PRR12: variants seen among roughly 807,000 people sequenced by gnomAD.
PRR12 encodes proline-rich protein 12.
In PRR12, 12 loss-of-function variants were observed where a neutral mutation model predicts 138.0. The observed-to-expected ratio is 0.09, with a 90% CI of 0.06 to 0.14. The LOEUF (loss-of-function observed/expected upper bound fraction) is 0.14. Among genes scored for constraint, PRR12 ranks in the 10% least tolerant of loss-of-function variants. The pLI is 1.00. For missense variants in PRR12, 2,692 were observed against 2,861.3 expected, an observed-to-expected ratio of 0.94 and a Z score of 1.35; for synonymous variants, 1,567 against 1,291.7, an observed-to-expected ratio of 1.21 and a Z score of -4.57.
At position 49,596,468 on chromosome 19, in the gene PRR12, T is replaced by G. The variant is rs2080769823; in HGVS notation, c.2133T>G (p.Asp711Glu). 1 of 1,611,030 alleles carries G rather than the reference T, an allele frequency of 6.2e-7. No homozygotes were observed. Among genetic ancestry groups the G allele is most frequent in the Non-Finnish European group, 8.5e-7 (1 of 1,179,388 alleles). The change falls in exon 4 of 14, where the codon GAT becomes GAG. Residue 711 changes from aspartate (D) to glutamate (E), a missense_variant. By Grantham distance (45) the Asp-to-Glu change is conservative. This residue lies in a region of PRR12 where 840 missense variants were observed against 689.8 expected (regional missense o/e 1.22). Coordinates refer to ENST00000418929, the MANE Select transcript of PRR12 (RefSeq NM_020719.3). This position sits in a 1 kb window ranked among gnomAD's most constrained non-coding sequence, Gnocchi z 5.6. ...TCATCCGCACCAGTGCCAGCCTGGA[T>G]GAGGGTGCCACTGCGGCACTGGAGC... is the stretch of plus-strand genomic sequence containing the variant. ...QSVIRTSASL[D>E]EGATAALELG...
chr19:49,614,494 G>C lies in PRR12; in HGVS notation c.4774-39G>C. On this transcript the variant is annotated intron_variant, in intron 6 of 13. Transcript: ENST00000418929. This position sits in a 1 kb window ranked among gnomAD's most constrained non-coding sequence, Gnocchi z 5.0. ...TAGGGGCAGTAGGTCTAGGAATGAGGGCTGACCCTGCTGGCCTCACCACAC... is the reference window on the plus strand; with the variant it reads ...TAGGGGCAGTAGGTCTAGGAATGAGCGCTGACCCTGCTGGCCTCACCACAC... 4.1e-6 allele frequency: 6 copies of C among 1,451,056 alleles called. No individual in the cohort carries two copies. Among genetic ancestry groups the C allele is most frequent in the Non-Finnish European group, 5.6e-6 (6 of 1,080,294 alleles). 89.9% of individuals were successfully genotyped at this position (1,451,056 alleles called of 1,614,324 possible).
At chr19:49,601,306 C>G (rs1439439458) in intron 5 of PRR12, among the ~76,000 whole-genome samples, 185 bp from the exon 6 acceptor site, 1 of 145,254 alleles carries the variant, frequency 6.9e-6, no homozygotes, top group Non-Finnish European at 1.5e-5. Context: ...GGAGACAGGT[C>G]TCCTTTGCAG....
rs201085398 is a variant in PRR12, at chr19:49,601,568, C to A, written c.4423C>A (p.Pro1475Thr). ...TCCTCAGCCTCAGCCTCCGCCACCC[C>A]CTCCGCCGCCACAGCCAGCCCTGCC... ...PTPQPQPPPP[P>T]PPPQPALPSP... Residue 1475 changes from proline (P) to threonine (T), a missense_variant, in exon 6 of 14, where the codon CCT (proline) becomes ACT (threonine). Around this residue, in one of 11 missense-constraint regions of PRR12, gnomAD observed 231 missense variants for 200.8 expected, o/e 1.15. Coordinates refer to ENST00000418929, the MANE Select transcript of PRR12 (RefSeq NM_020719.3). 7.3e-3 allele frequency: 11,230 copies of A among 1,541,600 alleles called. 64 individuals carry two copies. Among genetic ancestry groups the A allele is most frequent in the Non-Finnish European group, 8.8e-3 (10,031 of 1,140,568 alleles).
intron 11 of PRR12, among the ~76,000 whole-genome samples, chr19:49,622,565 C>G (rs1342842913): frequency 1.4e-5 from 2 of 147,418 alleles, no homozygotes; most frequent in Admixed American, 6.9e-5. Context: ...GCACTCCAGC[C>G]TGGGCGACAG....
intron 11 of PRR12, among the ~76,000 whole-genome samples, chr19:49,622,928 TAGAGAGAGAGAGAG>T (rs1312571676): frequency 3.9e-5 from 3 of 77,768 alleles, no homozygotes; most frequent in Admixed American, 1.3e-4. Flanking sequence ...TATATATATA[TAGAGAGAGAGAGAG>T]AGAGAGAGAG....
At position 49,594,525 on chromosome 19, in the gene PRR12, C is replaced by T; in HGVS notation, c.271C>T (p.Leu91Phe). 6.2e-7 allele frequency: 1 copy of T among 1,613,078 alleles called. No individual in the cohort carries two copies. The highest frequency in any genetic ancestry group is 8.5e-7 in the Non-Finnish European group (1 of 1,179,410). ...SAGPDASVMN[L>F]ISALESRGPQ... ...AGGGCCCGACGCCTCCGTCATGAAC[C>T]TTATCTCGGCCCTGGAATCCCGGGG... Residue 91 changes from leucine (L) to phenylalanine (F), a missense_variant, in exon 3 of 14, where the codon CTT (leucine) becomes TTT (phenylalanine). Physicochemically the swap from Leu to Phe is conservative, Grantham distance 22. Around this residue, in one of 11 missense-constraint regions of PRR12, gnomAD observed 211 missense variants for 266.3 expected, o/e 0.79. Coordinates refer to ENST00000418929, the MANE Select transcript of PRR12 (RefSeq NM_020719.3). This position sits in a 1 kb window ranked among gnomAD's most constrained non-coding sequence, Gnocchi z 5.6.
chr19:49,593,225 G>A (rs1265707930), intron 1 of PRR12, 102 bp from the exon 2 acceptor site: 3 of 408,138 alleles, frequency 7.4e-6, no homozygotes, highest in African/African-American at 2.6e-5. Flanking sequence ...CCCCCACCCC[G>A]GTCAGCTGGA....
intron 6 of PRR12, among the ~76,000 whole-genome samples, chr19:49,605,266 T>C (rs1048308143): frequency 6.6e-6 from 1 of 152,124 alleles, no homozygotes; most frequent in African/African-American, 2.4e-5. Flanking sequence ...CCGTATTCTT[T>C]TTTTTGTTTG....
At chr19:49,618,276 C>G (rs2080903171) in intron 9 of PRR12, among the ~76,000 whole-genome samples, 1 of 152,080 alleles carries the variant, frequency 6.6e-6, no homozygotes. Context: ...CCCAACACCC[C>G]CAAATCCCAT....
intron 4 of PRR12, among the ~76,000 whole-genome samples, chr19:49,598,697 C>T (rs569207742): frequency 1.3e-5 from 2 of 152,196 alleles, no homozygotes; most frequent in South Asian, 2.1e-4. Flanking sequence ...CTGCGTGTAC[C>T]TACAGTCCCA....
At position 49,625,710 on chromosome 19, in the gene PRR12, G is replaced by C; in HGVS notation, c.*103G>C. On this transcript the variant is annotated 3_prime_UTR_variant, in exon 14 of 14. Coordinates refer to ENST00000418929, the MANE Select transcript of PRR12 (RefSeq NM_020719.3). The surrounding 1 kb of genome is among the most constrained non-coding windows in gnomAD (Gnocchi z 5.5). Reference sequence around the variant, plus strand: ...ACCTGGGCTCCATCGCCGGGGAAAGGGGGTCATGGGTCAGGGTGTGTCTGT... The same window carrying C: ...ACCTGGGCTCCATCGCCGGGGAAAGCGGGTCATGGGTCAGGGTGTGTCTGT... 2 of 1,426,722 alleles carry C rather than the reference G, an allele frequency of 1.4e-6. No homozygotes were observed. Among genetic ancestry groups the C allele is most frequent in the Non-Finnish European group, 1.9e-6 (2 of 1,078,594 alleles). 88.4% of individuals were successfully genotyped at this position (1,426,722 alleles called of 1,614,324 possible). A position where few individuals can be genotyped will look rare whatever the true frequency, so the allele number is the denominator to read the frequency against.
intron 11 of PRR12, among the ~76,000 whole-genome samples, chr19:49,623,511 A>T (rs1014986293): frequency 5.3e-5 from 8 of 152,124 alleles, no homozygotes; most frequent in African/African-American, 1.9e-4. Flanking sequence ...GGGTGCCTGT[A>T]GTCCCAGCTA....
intron 1 of PRR12, among the ~76,000 whole-genome samples, 198 bp downstream of exon 1, chr19:49,591,938 G>T (rs1166882741): frequency 6.6e-6 from 1 of 152,132 alleles, no homozygotes; most frequent in African/African-American, 2.4e-5. Context: ...AGCCAGCTCC[G>T]GCATGCAAAG....
chr19:49,593,666 C>G (rs752948741), intron 2 of PRR12, among the ~76,000 whole-genome samples: 2 of 152,076 alleles, frequency 1.3e-5, no homozygotes, highest in East Asian at 3.9e-4. Flanking sequence ...CTCCAATTGG[C>G]CCTGTTACCA....
At position 49,597,945 on chromosome 19, in the gene PRR12, G is replaced by A. The variant is rs1305947647; in HGVS notation, c.3610G>A (p.Gly1204Ser). 7 of 1,402,874 alleles carry A rather than the reference G, an allele frequency of 5.0e-6. No homozygotes were observed. The highest frequency in any genetic ancestry group is 1.8e-6 in the Non-Finnish European group (2 of 1,082,090). 86.9% of individuals were successfully genotyped at this position (1,402,874 alleles called of 1,614,324 possible). A position where few individuals can be genotyped will look rare whatever the true frequency, so the allele number is the denominator to read the frequency against. The change falls in exon 4 of 14, where the codon GGC (glycine) becomes AGC (serine). Residue 1204 changes from glycine to serine, a missense_variant. This residue lies in a region of PRR12 where 326 missense variants were observed against 344.2 expected (regional missense o/e 0.95). Coordinates refer to ENST00000418929, the MANE Select transcript of PRR12 (RefSeq NM_020719.3). This position sits in a 1 kb window ranked among gnomAD's most constrained non-coding sequence, Gnocchi z 6.3. ...TDGAKKPRGRGRGRGRKAEEA... is the reference protein window; with the variant it reads ...TDGAKKPRGRSRGRGRKAEEA... ...TGGCGCCAAGAAACCCCGGGGCCGG[G>A]GCCGAGGCCGGGGTCGAAAGGCTGA...
In PRR12 at chr19:49,595,615, A is replaced by G. The variant is rs1270946706; in HGVS notation, c.1280A>G (p.Tyr427Cys). The G allele has an allele frequency of 1.9e-6, 3 of 1,608,140 alleles. No homozygotes were observed. The highest frequency in any genetic ancestry group is 2.5e-6 in the Non-Finnish European group (3 of 1,178,018). The change falls in exon 4 of 14, where the codon TAT becomes TGT. Residue 427 changes from tyrosine (Y) to cysteine (C), a missense_variant. Around this residue, in one of 11 missense-constraint regions of PRR12, gnomAD observed 523 missense variants for 496.4 expected, o/e 1.05. Coordinates refer to ENST00000418929, the MANE Select transcript of PRR12 (RefSeq NM_020719.3). ...AGCCTGGGTGGGCCAGCAGCCGCCT[A>G]TGCCACTGGGAAGGCCTCTGGGGCT... ...CQSLGGPAAA[Y>C]ATGKASGAGG...
chr19:49,597,458 CCCGCCT>C lies in PRR12; in HGVS notation c.3129_3134del (p.Pro1048_Pro1049del), dbSNP rs2080781224. ...GCCCCCACCAGGCGGCGCCACCACC[CCCGCCT>C]CCGCCACCGCCGCCTCCCGCGCCGG... On this transcript the variant is annotated inframe_deletion, in exon 4 of 14. Coordinates refer to ENST00000418929, the MANE Select transcript of PRR12 (RefSeq NM_020719.3). This position sits in a 1 kb window ranked among gnomAD's most constrained non-coding sequence, Gnocchi z 6.3. 2.3e-5 allele frequency: 36 copies of C among 1,541,246 alleles called. No individual in the cohort carries two copies. Among genetic ancestry groups the C allele is most frequent in the Non-Finnish European group, 3.1e-5 (36 of 1,146,130 alleles).
rs750875984 is a variant in PRR12, at chr19:49,624,829, A to G, written c.5722-15A>G. The G allele has an allele frequency of 4.3e-6, 7 of 1,609,606 alleles. No homozygotes were observed. The highest frequency in any genetic ancestry group is 4.5e-5 in the East Asian group (2 of 44,846). On this transcript the variant is annotated splice_polypyrimidine_tract_variant and intron_variant, in intron 11 of 13. Coordinates refer to ENST00000418929, the MANE Select transcript of PRR12 (RefSeq NM_020719.3). ...ATCCAGGGCAGCATCCAGCTGACCC[A>G]TTGGCTTCCCGCAGGATGCTCTGCA...
At chr19:49,598,164 C>T (rs137950054) in intron 4 of PRR12, among the ~76,000 whole-genome samples, 151 bp downstream of exon 4, 7,824 of 151,798 alleles carry the variant, frequency 0.052, 227 homozygotes, top group South Asian at 0.12. Flanking sequence ...AGCTCCGCCT[C>T]CCGGGTTCAC....
Sources: gnomAD v4.1 joint callset for allele counts (sites outside exome capture counted in the v4.1 genomes callset) on GRCh38, gnomAD v4.1.1 for gene constraint, gnomAD v4.1.1 regional missense constraint, Gnocchi (gnomAD v3.1) non-coding constraint, MANE v1.5 for transcripts, NCBI Gene and HGNC (gene_info 2026-07-23, HGNC 2026-07-21) for gene names.